GABRR3: variants seen among roughly 807,000 people sequenced by gnomAD.
GABRR3 encodes the protein gamma-aminobutyric acid type A receptor subunit rho3.
In GABRR3, 29 loss-of-function variants were observed where a neutral mutation model predicts 43.2. That is an observed-to-expected ratio of 0.67 (90% CI 0.50 to 0.92). The LOEUF (loss-of-function observed/expected upper bound fraction) is 0.92, where lower values mean the gene tolerates loss of function less well. Ranked by LOEUF, GABRR3 falls within the 40% of genes least tolerant of loss-of-function variation. The probability of loss-of-function intolerance (pLI) is 0.00; values close to 1 mark genes in which losing one functional copy is unlikely to be tolerated. For synonymous variants in GABRR3, 206 were observed against 195.9 expected (o/e 1.05, Z -0.43); for missense variants, 576 against 572.3 (o/e 1.01, Z -0.07).
In GABRR3 at chr3:97,992,877, C is replaced by T. The variant is rs768446647; in HGVS notation, c.1079G>A (p.Arg360Gln). The T allele has an allele frequency of 2.6e-5, 42 of 1,609,906 alleles. No homozygotes were observed. Among genetic ancestry groups the T allele is most frequent in the East Asian group, 2.2e-4 (10 of 44,828 alleles). The change falls in exon 9 of 10, where the codon CGG (arginine) becomes CAG (glutamine). Residue 360 changes from arginine to glutamine, a missense_variant. By Grantham distance (43) the Arg-to-Gln change is conservative. Transcript: ENST00000621172. ...CTTTCCTGTCTTCTTGAATTGTTTC[C>T]GCTCTTCCACTGTGGTGAGGTAGTT... is the stretch of plus-strand genomic sequence containing the variant.
intron 3 of GABRR3, among the ~76,000 whole-genome samples, chr3:98,022,418 A>C (rs1251899499): frequency 2.0e-5 from 3 of 152,266 alleles, no homozygotes; most frequent in Admixed American, 6.5e-5. Context: ...TTAAGGCAAG[A>C]GAAGTGCTGA....
intron 9 of GABRR3, 52 bp from the exon 10 acceptor site, chr3:97,987,034 G>A: frequency 8.5e-7 from 1 of 1,170,100 alleles, no homozygotes; most frequent in South Asian, 1.6e-5. Context: ...TTTACAAATA[G>A]GAATTATGGT....
At chr3:97,994,871 T>C (rs1374801278) in intron 8 of GABRR3, among the ~76,000 whole-genome samples, 1 of 152,252 alleles carries the variant, frequency 6.6e-6, no homozygotes, top group Non-Finnish European at 1.5e-5. Context: ...TCCTGTGCCA[T>C]ACTGACATTT....
chr3:98,025,355 C>T (rs960075392), intron 3 of GABRR3, among the ~76,000 whole-genome samples: 7 of 152,204 alleles, frequency 4.6e-5, no homozygotes, highest in Non-Finnish European at 8.8e-5. Flanking sequence ...CTATTTACTA[C>T]AGTGTGCATA....
At chr3:97,994,490 GT>G (rs1272081769) in intron 8 of GABRR3, among the ~76,000 whole-genome samples, 3 of 152,152 alleles carry the variant, frequency 2.0e-5, no homozygotes, top group African/African-American at 7.2e-5. Flanking sequence ...CAAGTCCCAG[GT>G]TTCCCCCAAC....
At chr3:98,027,011 G>A (rs1324984573) in intron 2 of GABRR3, among the ~76,000 whole-genome samples, 1 of 152,098 alleles carries the variant, frequency 6.6e-6, no homozygotes, top group Non-Finnish European at 1.5e-5. Context: ...TTGGTAGAAG[G>A]CAATGAGTTT....
At chr3:97,995,703 T>G (rs1706544246) in intron 8 of GABRR3, among the ~76,000 whole-genome samples, 2 of 152,154 alleles carry the variant, frequency 1.3e-5, no homozygotes, top group East Asian at 3.9e-4. Flanking sequence ...CAATAGAACT[T>G]GAAGTCAGGA....
intron 2 of GABRR3, among the ~76,000 whole-genome samples, chr3:98,030,860 A>G (rs542258857): frequency 6.6e-6 from 1 of 152,360 alleles, no homozygotes; most frequent in East Asian, 1.9e-4. Context: ...TTCTTTAGAA[A>G]AATACAAAAT....
intron 4 of GABRR3, among the ~76,000 whole-genome samples, chr3:98,015,755 GA>G (rs1263115584): frequency 6.6e-6 from 1 of 152,278 alleles, no homozygotes; most frequent in East Asian, 1.9e-4. Flanking sequence ...TAAATATAAA[GA>G]CACATAGCCA....
chr3:98,000,269 A>G (rs911714568), intron 8 of GABRR3: 14 of 152,128 alleles, frequency 9.2e-5, no homozygotes, highest in Non-Finnish European at 1.6e-4. Context: ...CCACCCTTCC[A>G]TGGAAGTAGC....
chr3:98,033,508 A>T (rs974397568), intron 2 of GABRR3, among the ~76,000 whole-genome samples: 1 of 152,124 alleles, frequency 6.6e-6, no homozygotes, highest in African/African-American at 2.4e-5. Flanking sequence ...TTTCTGTAGC[A>T]ACTCTGCCAC....
intron 4 of GABRR3, among the ~76,000 whole-genome samples, chr3:98,016,947 G>A (rs915483522): frequency 6.6e-6 from 1 of 152,108 alleles, no homozygotes; most frequent in Non-Finnish European, 1.5e-5. Flanking sequence ...TAAGGGACGG[G>A]AAGAAGAAAC....
At chr3:97,991,988 T>C (rs1706474801) in intron 9 of GABRR3, among the ~76,000 whole-genome samples, 1 of 152,182 alleles carries the variant, frequency 6.6e-6, no homozygotes, top group Non-Finnish European at 1.5e-5. Flanking sequence ...TTTATTCTGT[T>C]AAGTGTAGAC....
chr3:98,006,722 C>A (rs1047202618), intron 7 of GABRR3, among the ~76,000 whole-genome samples: 3 of 152,058 alleles, frequency 2.0e-5, no homozygotes, highest in Non-Finnish European at 4.4e-5. Flanking sequence ...TATATGGATT[C>A]GGCCTAAAAT....
chr3:98,034,938 A>G (rs759162357), exon 2 of GABRR3: 1 of 1,613,006 alleles, frequency 6.2e-7, no homozygotes, highest in Non-Finnish European at 8.5e-7. Flanking sequence ...ATTTGGTTTC[A>G]ATATGATCCA....
chr3:97,998,638 C>T (rs1394283603), intron 8 of GABRR3: 2 of 152,118 alleles, frequency 1.3e-5, no homozygotes, highest in African/African-American at 4.8e-5. Flanking sequence ...CCTTTTCAAA[C>T]TATGTATCTG....
At chr3:97,997,075 C>T (rs368511179) in intron 8 of GABRR3, among the ~76,000 whole-genome samples, 4 of 152,074 alleles carry the variant, frequency 2.6e-5, no homozygotes, top group Non-Finnish European at 4.4e-5. Flanking sequence ...AGCTCACATT[C>T]TAATAGAGGT....
At chr3:98,033,898 A>G (rs1021546469) in intron 2 of GABRR3, among the ~76,000 whole-genome samples, 6 of 152,122 alleles carry the variant, frequency 3.9e-5, no homozygotes, top group African/African-American at 1.2e-4. Flanking sequence ...CTAGTAACAC[A>G]CTTCTTTTGG....
At chr3:98,030,765 T>C (rs151123126) in intron 2 of GABRR3, among the ~76,000 whole-genome samples, 1 of 152,216 alleles carries the variant, frequency 6.6e-6, no homozygotes, top group African/African-American at 2.4e-5. Flanking sequence ...CAAGCTTTAC[T>C]GTGAACCAGT....
Sources: gnomAD v4.1 joint callset for allele counts (sites outside exome capture counted in the v4.1 genomes callset) on GRCh38, gnomAD v4.1.1 for gene constraint, MANE v1.5 for transcripts, NCBI Gene and HGNC (gene_info 2026-07-23, HGNC 2026-07-21) for gene names.